TASP1: variants seen among roughly 807,000 people sequenced by gnomAD.
TASP1 encodes the protein taspase 1.
In TASP1, 16 loss-of-function variants were observed where a neutral mutation model predicts 56.6. That is an observed-to-expected ratio of 0.28 (90% CI 0.19 to 0.43). The LOEUF (loss-of-function observed/expected upper bound fraction) is 0.43. TASP1 is among the 20% of genes least tolerant of loss of function. The pLI, the probability that TASP1 is intolerant of heterozygous loss-of-function variation, is 1.00. For synonymous variants in TASP1, 179 were observed against 184.2 expected (o/e 0.97, Z 0.23); for missense variants, 393 against 511.6 (o/e 0.77, Z 2.24).
chr20:13,415,379 T>C (rs763204604), intron 13 of TASP1, among the ~76,000 whole-genome samples: 1 of 151,940 alleles, frequency 6.6e-6, no homozygotes, highest in Non-Finnish European at 1.5e-5. Context: ...ACAAAAGAGA[T>C]AATTTTTCTT....
chr20:13,589,669 A>G (rs1043658407), intron 4 of TASP1, among the ~76,000 whole-genome samples: 1 of 152,156 alleles, frequency 6.6e-6, no homozygotes, highest in African/African-American at 2.4e-5. Flanking sequence ...AGGGGGAAAA[A>G]AACACAAAAT....
intron 6 of TASP1, among the ~76,000 whole-genome samples, chr20:13,573,305 A>G (rs560387619): frequency 6.6e-6 from 1 of 152,236 alleles, no homozygotes; most frequent in South Asian, 2.1e-4. Flanking sequence ...GCCTTTTGGG[A>G]GGTGATTAGG....
the TASP1 span, among the ~76,000 whole-genome samples, chr20:13,114,373 A>T: frequency 6.6e-6 from 1 of 152,226 alleles, no homozygotes; most frequent in Non-Finnish European, 1.5e-5. Context: ...ATCAACTCAT[A>T]GTGGTTGAGA....
At chr20:13,378,450 G>T in the TASP1 span, among the ~76,000 whole-genome samples, 1 of 152,200 alleles carries the variant, frequency 6.6e-6, no homozygotes, top group South Asian at 2.1e-4. Flanking sequence ...TGTTTGTTAT[G>T]ATTTCCATTG....
At chr20:13,154,139 G>A in the TASP1 span, 8 of 1,613,970 alleles carry the variant, frequency 5.0e-6, no homozygotes, top group East Asian at 2.2e-5. Flanking sequence ...GTAAAGTAGC[G>A]TAAGTATCCA....
At chr20:13,272,223 C>T in the TASP1 span, among the ~76,000 whole-genome samples, 1 of 152,302 alleles carries the variant, frequency 6.6e-6, no homozygotes, top group African/African-American at 2.4e-5. Context: ...CCTTCATTAA[C>T]TGCCTCTCTC....
intron 11 of TASP1, among the ~76,000 whole-genome samples, chr20:13,468,967 G>C (rs1600894207): frequency 6.6e-6 from 1 of 151,460 alleles, no homozygotes. Context: ...TACCAATTGT[G>C]AATAGTTCAG....
chr20:13,249,942 T>G, the TASP1 span, among the ~76,000 whole-genome samples: 1 of 152,228 alleles, frequency 6.6e-6, no homozygotes, highest in Non-Finnish European at 1.5e-5. Flanking sequence ...AAAGGCTTAA[T>G]GTAATGTTTC....
chr20:13,153,594 A>AG, the TASP1 span, among the ~76,000 whole-genome samples: 6 of 152,180 alleles, frequency 3.9e-5, no homozygotes, highest in African/African-American at 1.4e-4. Context: ...TTAGCTAAAA[A>AG]GCATCTACCA....
At chr20:13,119,215 G>A in the TASP1 span, among the ~76,000 whole-genome samples, 2 of 152,182 alleles carry the variant, frequency 1.3e-5, no homozygotes, top group South Asian at 2.1e-4. Flanking sequence ...TTTTAACGAA[G>A]CATAACTCTA....
intron 11 of TASP1, among the ~76,000 whole-genome samples, chr20:13,440,769 C>T (rs2043186871): frequency 6.6e-6 from 1 of 151,758 alleles, no homozygotes; most frequent in African/African-American, 2.4e-5. Context: ...TTATCATTTA[C>T]AGATGAAGAA....
intron 4 of TASP1, among the ~76,000 whole-genome samples, chr20:13,612,769 T>C (rs2048392253): frequency 6.6e-6 from 1 of 152,190 alleles, no homozygotes; most frequent in Non-Finnish European, 1.5e-5. Context: ...GAAGAAATCC[T>C]GGCATTCAGA....
intron 1 of TASP1, among the ~76,000 whole-genome samples, chr20:13,632,122 TG>T (rs2049113449): frequency 6.9e-6 from 1 of 144,416 alleles, no homozygotes; most frequent in African/African-American, 2.6e-5. Flanking sequence ...CCCAGCACTT[TG>T]GGAGGCCGAG....
intron 9 of TASP1, among the ~76,000 whole-genome samples, chr20:13,533,500 T>A (rs2045301991): frequency 6.6e-6 from 1 of 152,142 alleles, no homozygotes; most frequent in African/African-American, 2.4e-5. Context: ...CATTTCTAGA[T>A]TTGTTAAGTG....
the TASP1 span, among the ~76,000 whole-genome samples, chr20:13,273,240 A>ATTTTATTTTATTT: frequency 6.7e-6 from 1 of 149,668 alleles, no homozygotes. Context: ...ATTTTATTTT[A>ATTTTATTTTATTT]TTTTATTTTA....
At chr20:13,221,987 C>T in the TASP1 span, 12 of 1,240,326 alleles carry the variant, frequency 9.7e-6, no homozygotes, top group Non-Finnish European at 1.1e-5. Context: ...TGAGCTAGTG[C>T]CGGGTGGATG....
intron 12 of TASP1, among the ~76,000 whole-genome samples, chr20:13,428,027 C>T (rs968795517): frequency 9.2e-5 from 14 of 152,184 alleles, no homozygotes. Context: ...GGATGAAGAA[C>T]TCCAACACAA....
chr20:13,630,744 A>G (rs1247607527), intron 1 of TASP1, among the ~76,000 whole-genome samples: 1 of 151,450 alleles, frequency 6.6e-6, no homozygotes, highest in African/African-American at 2.4e-5. Flanking sequence ...AAGAAAAGAA[A>G]CATAAAGAAG....
At chr20:13,455,370 C>T (rs890669740) in intron 11 of TASP1, among the ~76,000 whole-genome samples, 3 of 152,040 alleles carry the variant, frequency 2.0e-5, no homozygotes, top group African/African-American at 7.2e-5. Context: ...TGAAAATAAA[C>T]TCACACTAAC....
Sources: allele counts gnomAD v4.1 joint callset (sites outside exome capture counted in the v4.1 genomes callset), GRCh38; gene constraint gnomAD v4.1.1; transcripts MANE v1.5; gene names NCBI Gene and HGNC (gene_info 2026-07-23, HGNC 2026-07-21).